Variants in HTT observed in about 807,000 individuals in gnomAD.
The protein encoded by HTT is huntington disease protein.
Under a neutral mutation model 362.3 loss-of-function variants are expected in HTT, and 104 were observed. The ratio of observed to expected loss-of-function variants is 0.29; its 90% CI spans 0.24 to 0.34. The LOEUF (loss-of-function observed/expected upper bound fraction) is 0.34. Ranked by LOEUF, HTT falls within the 10% of genes least tolerant of loss-of-function variation. The probability of loss-of-function intolerance (pLI) is 1.00; values close to 1 mark genes in which losing one functional copy is unlikely to be tolerated. For missense variants in HTT, 3,301 were observed against 3,928.6 expected (o/e 0.84, Z 4.27); for synonymous variants, 1,577 against 1,548.7 (o/e 1.02, Z -0.43).
intron 27 of HTT, among the ~76,000 whole-genome samples, chr4:3,156,486 G>A (rs1436113878): frequency 6.6e-6 from 1 of 152,156 alleles, no homozygotes; most frequent in Non-Finnish European, 1.5e-5. Flanking sequence ...TTGACCTGTT[G>A]AAAAGCCTCA....
intron 21 of HTT, among the ~76,000 whole-genome samples, chr4:3,138,034 C>T (rs1467414428): frequency 6.6e-6 from 1 of 152,052 alleles, no homozygotes; most frequent in Non-Finnish European, 1.5e-5. Context: ...TTGGTACTTA[C>T]TGTGAAACTG....
At chr4:3,126,443 G>C (rs1430039767) in intron 11 of HTT, among the ~76,000 whole-genome samples, 1 of 152,084 alleles carries the variant, frequency 6.6e-6, no homozygotes, top group Non-Finnish European at 1.5e-5. Flanking sequence ...TTATATGAGG[G>C]TGGTTTTGGT....
intron 2 of HTT, among the ~76,000 whole-genome samples, chr4:3,097,604 C>T (rs1713920994): frequency 6.6e-6 from 1 of 152,084 alleles, no homozygotes; most frequent in African/African-American, 2.4e-5. Flanking sequence ...TGCACTCCAG[C>T]CTGGGTGACA....
At chr4:3,151,984 G>A (rs1470711592) in intron 26 of HTT, among the ~76,000 whole-genome samples, 2 of 152,232 alleles carry the variant, frequency 1.3e-5, no homozygotes, top group South Asian at 4.1e-4. Flanking sequence ...TTGGAGTGCA[G>A]TGTCATGATC....
chr4:3,083,759 C>T (rs569952327), intron 1 of HTT, among the ~76,000 whole-genome samples: 16 of 152,060 alleles, frequency 1.1e-4, no homozygotes, highest in Non-Finnish European at 2.9e-5. Flanking sequence ...CGTTAGTATA[C>T]AGCCCAGCAG....
intron 2 of HTT, among the ~76,000 whole-genome samples, chr4:3,095,654 G>A (rs533414033): frequency 1.3e-3 from 205 of 152,328 alleles, no homozygotes; most frequent in Middle Eastern, 6.8e-3. Flanking sequence ...GTGGTAATTT[G>A]TTACAGCAGC....
chr4:3,136,682 C>T (rs1364550270), intron 21 of HTT, among the ~76,000 whole-genome samples: 3 of 151,894 alleles, frequency 2.0e-5, no homozygotes, highest in Admixed American at 2.0e-4. Context: ...GTTTCTTGTT[C>T]AAAATCAGGT....
At chr4:3,101,756 T>C (rs900499029) in intron 3 of HTT, among the ~76,000 whole-genome samples, 11 of 152,322 alleles carry the variant, frequency 7.2e-5, no homozygotes, top group African/African-American at 2.6e-4. Context: ...GAAGCACGTG[T>C]GTCCAGCAAG....
intron 12 of HTT, chr4:3,128,898 A>T (rs1044764106): frequency 2.6e-5 from 4 of 152,222 alleles, no homozygotes; most frequent in African/African-American, 9.7e-5. Context: ...TGATCATGTA[A>T]CACTGAAGCT....
intron 1 of HTT, among the ~76,000 whole-genome samples, chr4:3,077,868 TAACA>T (rs33950430): frequency 0.082 from 12,450 of 152,282 alleles, 1,028 homozygotes; most frequent in African/African-American, 0.21. Context: ...TAATTTTGAG[TAACA>T]AACACTGCTC....
In HTT at chr4:3,186,612, C is replaced by T; in HGVS notation, c.4882C>T (p.His1628Tyr). 1.2e-6 allele frequency: 2 copies of T among 1,609,290 alleles called. No homozygotes were observed. Among genetic ancestry groups the T allele is most frequent in the Non-Finnish European group, 1.7e-6 (2 of 1,177,010 alleles). The change falls in exon 38 of 67, where the codon CAT (histidine) becomes TAT (tyrosine). Residue 1628 changes from histidine to tyrosine, a missense_variant. By Grantham distance (83) the His-to-Tyr change is moderately conservative. Around this residue, in one of 4 missense-constraint regions of HTT, gnomAD observed 2,316 missense variants for 2,658.5 expected, o/e 0.87. Coordinates refer to ENST00000355072, the MANE Select transcript of HTT (RefSeq NM_001388492.1). ...LAKQQMHIDS[H>Y]EALGVLNTLF... ...AATTCCACAGATGCACATTGACTCT[C>T]ATGAAGCCCTTGGAGTGTTAAATAC...
intron 40 of HTT, among the ~76,000 whole-genome samples, chr4:3,195,776 C>T (rs757190163): frequency 5.9e-5 from 9 of 152,138 alleles, no homozygotes; most frequent in South Asian, 2.1e-4. Context: ...TGTGGGAATT[C>T]GGGGACCCAG....
chr4:3,131,499 TCTGA>T, intron 15 of HTT, 102 bp downstream of exon 15: 1 of 1,460,952 alleles, frequency 6.8e-7, no homozygotes, highest in Non-Finnish European at 9.6e-7. Flanking sequence ...GGAAGTAGAA[TCTGA>T]GGATGAGTTT....
At chr4:3,156,363 G>A (rs537484643) in intron 27 of HTT, among the ~76,000 whole-genome samples, 159 of 152,214 alleles carry the variant, frequency 1.0e-3, no homozygotes, top group Middle Eastern at 0.01. Context: ...CAAGTGATCC[G>A]CCTGCCTTGG....
At chr4:3,106,625 G>A (rs886942485) in intron 5 of HTT, among the ~76,000 whole-genome samples, 7 of 152,082 alleles carry the variant, frequency 4.6e-5, no homozygotes, top group African/African-American at 1.7e-4. Context: ...TGTCACCTCA[G>A]ACACCCTGCA....
chr4:3,085,014 G>C (rs185930371), intron 1 of HTT, among the ~76,000 whole-genome samples: 100 of 148,296 alleles, frequency 6.7e-4, no homozygotes, highest in African/African-American at 2.4e-3. Context: ...ACTCCGTCTC[G>C]GGGGAAAAAA....
At position 3,178,454 on chromosome 4, in the gene HTT, G is replaced by A. The variant is rs758871594; in HGVS notation, c.4612+8G>A. 1 of 1,612,696 alleles carries A rather than the reference G, an allele frequency of 6.2e-7. No individual in the cohort carries two copies. The highest frequency in any genetic ancestry group is 8.5e-7 in the Non-Finnish European group (1 of 1,179,388). On this transcript the variant is annotated splice_region_variant and intron_variant, in intron 35 of 66. Transcript: ENST00000355072. ...GGAAGGCTGTGACACATGGTAACGG[G>A]ACACACCTTTCACTGTCGTCTTCGG...
chr4:3,142,468 C>G (rs1416995392), intron 22 of HTT, among the ~76,000 whole-genome samples: 1 of 151,974 alleles, frequency 6.6e-6, no homozygotes, highest in African/African-American at 2.4e-5. Flanking sequence ...TTTCTTTTTT[C>G]TTGGAAGCAG....
intron 1 of HTT, among the ~76,000 whole-genome samples, chr4:3,084,007 T>C (rs1482384726): frequency 6.6e-6 from 1 of 152,190 alleles, no homozygotes; most frequent in African/African-American, 2.4e-5. Context: ...CAAAAGGTTA[T>C]ACATACTGTA....
Sources: gnomAD v4.1 joint callset for allele counts (sites outside exome capture counted in the v4.1 genomes callset) on GRCh38, gnomAD v4.1.1 for gene constraint, gnomAD v4.1.1 regional missense constraint, MANE v1.5 for transcripts, NCBI Gene and HGNC (gene_info 2026-07-23, HGNC 2026-07-21) for gene names.